GRM1: variants seen among roughly 807,000 people sequenced by gnomAD.
GRM1 encodes the protein glutamate metabotropic receptor 1.
Under a neutral mutation model 90.9 loss-of-function variants are expected in GRM1, and 33 were observed. That is an observed-to-expected ratio of 0.36 (90% CI 0.28 to 0.49). GRM1 has a LOEUF of 0.49. GRM1 is among the 20% of genes least tolerant of loss of function. The pLI, the probability that GRM1 is intolerant of heterozygous loss-of-function variation, is 0.99. For missense variants in GRM1, 1,190 were observed against 1,534.3 expected (o/e 0.78, Z 3.75); for synonymous variants, 700 against 613.2 (o/e 1.14, Z -2.09).
chr6:146,274,566 A>G (rs1196130246), intron 2 of GRM1, among the ~76,000 whole-genome samples: 1 of 152,174 alleles, frequency 6.6e-6, no homozygotes, highest in South Asian at 2.1e-4. Context: ...AAATTTTTGC[A>G]AAAGAGAGAT....
intron 3 of GRM1, among the ~76,000 whole-genome samples, chr6:146,312,864 A>T (rs1057047608): frequency 6.6e-6 from 1 of 152,198 alleles, no homozygotes; most frequent in African/African-American, 2.4e-5. Context: ...TACAGATCTG[A>T]TGCCCAACAT....
At chr6:146,135,868 A>T (rs1776597682) in intron 1 of GRM1, among the ~76,000 whole-genome samples, 1 of 151,752 alleles carries the variant, frequency 6.6e-6, no homozygotes, top group African/African-American at 2.4e-5. Context: ...CAAATACTGG[A>T]TCTCATTCAT....
intron 3 of GRM1, among the ~76,000 whole-genome samples, chr6:146,307,054 T>C (rs1241864662): frequency 6.6e-6 from 1 of 152,182 alleles, no homozygotes; most frequent in Non-Finnish European, 1.5e-5. Flanking sequence ...AGGAAGATAT[T>C]TTGTTGAGCT....
chr6:146,074,530 C>A (rs181216764), intron 1 of GRM1, among the ~76,000 whole-genome samples: 1 of 152,120 alleles, frequency 6.6e-6, no homozygotes, highest in African/African-American at 2.4e-5. Context: ...ATGGATTTGT[C>A]AGTCGTGGGA....
At chr6:146,038,319 A>G (rs1790966635) in intron 1 of GRM1, among the ~76,000 whole-genome samples, 1 of 151,912 alleles carries the variant, frequency 6.6e-6, no homozygotes, top group African/African-American at 2.4e-5. Context: ...GCTAGAGTTG[A>G]AATCCAGAGA....
chr6:146,387,655 A>G (rs568968962), intron 6 of GRM1, among the ~76,000 whole-genome samples: 1 of 152,026 alleles, frequency 6.6e-6, no homozygotes, highest in Admixed American at 6.6e-5. Flanking sequence ...AAAGTTTATG[A>G]CACATTTGCA....
In GRM1 at chr6:146,349,073, A is replaced by G. The variant is rs150656774; in HGVS notation, c.1187-3177A>G. Among the ~76,000 whole-genome samples the G allele has an allele frequency of 3.4e-5, 5 of 147,656 alleles. No homozygotes were observed. The East Asian group carries it at 6.0e-4, about 18-fold the overall frequency. ...TATTATTATTATTATTATTATTATT[A>G]TTATTATTATTGAGACGGAGTCTCG... is the stretch of plus-strand genomic sequence containing the variant. On this transcript the variant is annotated intron_variant, in intron 3 of 7. Transcript: ENST00000282753.
At position 146,434,880 on chromosome 6, in the gene GRM1, C is replaced by A; in HGVS notation, c.*84C>A. ...ATGTGCAAACAGCTGGGAGGAAAAG[C>A]CTGGGAGTGGGGGGCCTCGTCGGGA... On this transcript the variant is annotated 3_prime_UTR_variant, in exon 8 of 8. Transcript: ENST00000282753. The A allele has an allele frequency of 8.1e-7, 1 of 1,239,008 alleles. No individual in the cohort carries two copies. The highest frequency in any genetic ancestry group is 1.2e-6 in the Non-Finnish European group (1 of 858,126). The allele number at this position is 1,239,008 out of a possible 1,614,324, so 76.8% of individuals were successfully genotyped here. A position where few individuals can be genotyped will look rare whatever the true frequency, so the allele number is the denominator to read the frequency against.
intron 7 of GRM1, among the ~76,000 whole-genome samples, chr6:146,410,088 A>C (rs891237726): frequency 6.6e-6 from 1 of 152,204 alleles, no homozygotes; most frequent in Non-Finnish European, 1.5e-5. Context: ...GATGGGTATG[A>C]AAAAATATAG....
upstream of GRM1, among the ~76,000 whole-genome samples, chr6:146,028,825 A>G (rs1472385651): frequency 1.3e-5 from 2 of 152,198 alleles, no homozygotes; most frequent in African/African-American, 2.4e-5. Context: ...TCTGAAAAAA[A>G]GTTGATCTTT....
chr6:146,199,489 C>A (rs1486831251), intron 2 of GRM1, among the ~76,000 whole-genome samples: 1 of 152,098 alleles, frequency 6.6e-6, no homozygotes, highest in Non-Finnish European at 1.5e-5. Flanking sequence ...ATTCAATTAC[C>A]CAGAGGTAAT....
chr6:146,041,956 G>A (rs1209491237), intron 1 of GRM1, among the ~76,000 whole-genome samples: 1 of 151,974 alleles, frequency 6.6e-6, no homozygotes. Context: ...GAGGGCTGCT[G>A]TCTGCTTCCA....
chr6:146,076,556 G>A (rs1182919864), intron 1 of GRM1, among the ~76,000 whole-genome samples: 1 of 152,174 alleles, frequency 6.6e-6, no homozygotes, highest in Non-Finnish European at 1.5e-5. Context: ...AGGGAGTCAA[G>A]GGTGAATCCA....
At chr6:146,389,018 T>C (rs1350962213) in intron 6 of GRM1, among the ~76,000 whole-genome samples, 1 of 152,022 alleles carries the variant, frequency 6.6e-6, no homozygotes, top group Non-Finnish European at 1.5e-5. Context: ...TTTTCCAACC[T>C]CATTTTGGAC....
intron 7 of GRM1, among the ~76,000 whole-genome samples, chr6:146,430,387 C>G (rs896683138): frequency 6.6e-6 from 1 of 152,206 alleles, no homozygotes; most frequent in Non-Finnish European, 1.5e-5. Context: ...GATATTTACT[C>G]TAAATGCCTC....
intron 2 of GRM1, among the ~76,000 whole-genome samples, chr6:146,183,356 C>A (rs1003797354): frequency 3.9e-5 from 6 of 152,032 alleles, no homozygotes; most frequent in African/African-American, 9.7e-5. Context: ...ACTAGGAACT[C>A]TTATATGTTA....
At chr6:146,362,664 CAAAAA>C (rs11432508) in intron 5 of GRM1, among the ~76,000 whole-genome samples, 3 of 86,206 alleles carry the variant, frequency 3.5e-5, no homozygotes, top group East Asian at 3.4e-4. Context: ...GACTCCATCT[CAAAAA>C]AAAAAAAAAA....
intron 1 of GRM1, among the ~76,000 whole-genome samples, chr6:146,115,089 C>T (rs1032696873): frequency 6.6e-6 from 1 of 152,020 alleles, no homozygotes; most frequent in African/African-American, 2.4e-5. Context: ...ACTGAGTAAC[C>T]TCCTTCAAAC....
intron 1 of GRM1, among the ~76,000 whole-genome samples, chr6:146,113,311 A>C (rs1294241059): frequency 2.0e-5 from 3 of 152,178 alleles, no homozygotes; most frequent in Non-Finnish European, 4.4e-5. Context: ...CTAGATTTGC[A>C]TTGTTATTTG....
Sources: allele counts gnomAD v4.1 joint callset (sites outside exome capture counted in the v4.1 genomes callset), GRCh38; gene constraint gnomAD v4.1.1; transcripts MANE v1.5; gene names NCBI Gene and HGNC (gene_info 2026-07-23, HGNC 2026-07-21).